Variants in CNTN5 observed in about 807,000 individuals in gnomAD.
CNTN5 encodes contactin 5.
In CNTN5, 77 loss-of-function variants were observed where a neutral mutation model predicts 129.1. The observed-to-expected ratio is 0.60, with a 90% CI of 0.50 to 0.72. The LOEUF is 0.72. Among genes scored for constraint, CNTN5 ranks in the 30% least tolerant of loss-of-function variants. CNTN5 has a pLI of 0.00. For missense variants in CNTN5, 1,478 were observed against 1,328.8 expected, an observed-to-expected ratio of 1.11 and a Z score of -1.75; for synonymous variants, 509 against 465.6, an observed-to-expected ratio of 1.09 and a Z score of -1.20.
intron 1 of CNTN5, among the ~76,000 whole-genome samples, chr11:99,158,025 C>T (rs1860418928): frequency 6.6e-6 from 1 of 152,118 alleles, no homozygotes; most frequent in Admixed American, 6.6e-5. Context: ...AATCATCTCA[C>T]ACTCCTTGAT....
chr11:99,125,002 G>C (rs1433993587), intron 1 of CNTN5, among the ~76,000 whole-genome samples: 2 of 151,854 alleles, frequency 1.3e-5, no homozygotes, highest in African/African-American at 4.8e-5. Flanking sequence ...GCCAGCACTA[G>C]AGGAATTCAC....
chr11:99,353,277 C>T (rs1435292172), intron 2 of CNTN5, among the ~76,000 whole-genome samples: 1 of 152,160 alleles, frequency 6.6e-6, no homozygotes, highest in East Asian at 1.9e-4. Flanking sequence ...ATTGGTTTCT[C>T]ATTCAAACTG....
intron 3 of CNTN5, among the ~76,000 whole-genome samples, chr11:99,600,323 TAGA>T (rs1174013946): frequency 6.6e-6 from 1 of 152,208 alleles, no homozygotes; most frequent in Non-Finnish European, 1.5e-5. Flanking sequence ...AAGACCAGCG[TAGA>T]AGGTTCATGT....
In CNTN5 at chr11:99,378,228, C is replaced by T. The variant is rs569908913; in HGVS notation, c.-71+52744C>T. 1.2e-4 allele frequency among the ~76,000 whole-genome samples: 18 copies of T among 152,188 alleles called. No homozygotes were observed. In the South Asian group the frequency reaches 3.5e-3, roughly 30 times the overall value. Reference sequence around the variant, plus strand: ...TTTTGTCCCACTCTAGGCTCTGTTTCCAGCTGAACTTCCTTGTTAACTCAT... The same window carrying T: ...TTTTGTCCCACTCTAGGCTCTGTTTTCAGCTGAACTTCCTTGTTAACTCAT... On this transcript the variant is annotated intron_variant, in intron 2 of 24. Coordinates refer to ENST00000524871, the MANE Select transcript of CNTN5 (RefSeq NM_014361.4).
At chr11:99,790,087 G>C (rs1019856474) in intron 3 of CNTN5, among the ~76,000 whole-genome samples, 4 of 151,234 alleles carry the variant, frequency 2.6e-5, no homozygotes. Flanking sequence ...CTGGATCTGT[G>C]TTTCTGCAAA....
At chr11:99,594,064 A>C (rs1565331227) in intron 3 of CNTN5, among the ~76,000 whole-genome samples, 1 of 152,168 alleles carries the variant, frequency 6.6e-6, no homozygotes, top group African/African-American at 2.4e-5. Context: ...GATTACAATT[A>C]CTATATAGGC....
At chr11:99,936,638 A>G (rs1950321771) in intron 7 of CNTN5, among the ~76,000 whole-genome samples, 1 of 152,186 alleles carries the variant, frequency 6.6e-6, no homozygotes, top group South Asian at 2.1e-4. Flanking sequence ...TTGACATCCC[A>G]GAGAGGATCA....
rs1039236297 is a variant in CNTN5, at chr11:99,122,159, C to A, written c.-210+100889C>A. Among the ~76,000 whole-genome samples, 41 of 151,832 alleles carry A rather than the reference C, an allele frequency of 2.7e-4. 1 individual carries two copies. Among genetic ancestry groups the A allele is most frequent in the African/African-American group, 9.7e-4 (40 of 41,358 alleles). On this transcript the variant is annotated intron_variant, in intron 1 of 24. Coordinates refer to ENST00000524871, the MANE Select transcript of CNTN5 (RefSeq NM_014361.4). ...TCCCCCCAACTCCACTTTTTATGTT[C>A]TTTTTTCTTCTTGCTATAGATCTAA...
intron 6 of CNTN5, among the ~76,000 whole-genome samples, chr11:99,860,791 GT>G (rs1185031715): frequency 6.6e-6 from 1 of 151,710 alleles, no homozygotes; most frequent in East Asian, 1.9e-4. Context: ...TGTTTTTCTT[GT>G]TGTTGTTACA....
At chr11:99,376,913 C>T (rs1467289790) in intron 2 of CNTN5, among the ~76,000 whole-genome samples, 3 of 152,040 alleles carry the variant, frequency 2.0e-5, no homozygotes, top group Non-Finnish European at 2.9e-5. Context: ...GAACAGAATT[C>T]GATTTATTAA....
intron 3 of CNTN5, among the ~76,000 whole-genome samples, chr11:99,803,988 CTA>C (rs1946192316): frequency 6.6e-6 from 1 of 152,130 alleles, no homozygotes; most frequent in South Asian, 2.1e-4. Context: ...AGATGAAAAA[CTA>C]TGAGTAAACT....
intron 18 of CNTN5, among the ~76,000 whole-genome samples, chr11:100,287,875 G>C (rs1950834890): frequency 6.6e-6 from 1 of 152,084 alleles, no homozygotes; most frequent in Admixed American, 6.5e-5. Flanking sequence ...CTCACGTGCA[G>C]AAACACACAC....
chr11:100,197,093 G>A (rs887788380), intron 15 of CNTN5, among the ~76,000 whole-genome samples: 10 of 151,958 alleles, frequency 6.6e-5, no homozygotes, highest in Admixed American at 1.3e-4. Flanking sequence ...CCATTCAAAT[G>A]GAAGGATTTC....
intron 3 of CNTN5, among the ~76,000 whole-genome samples, chr11:99,569,555 G>T (rs1005255093): frequency 2.0e-5 from 3 of 152,014 alleles, no homozygotes; most frequent in Admixed American, 6.5e-5. Flanking sequence ...CTTGTGGTCC[G>T]CCTGCCTCGG....
At chr11:99,785,688 G>C (rs1381830192) in intron 3 of CNTN5, among the ~76,000 whole-genome samples, 2 of 152,046 alleles carry the variant, frequency 1.3e-5, no homozygotes, top group East Asian at 1.9e-4. Context: ...TTACAAGACT[G>C]GTTCAACATA....
intron 1 of CNTN5, among the ~76,000 whole-genome samples, chr11:99,057,492 A>G (rs993319171): frequency 2.6e-5 from 4 of 151,814 alleles, no homozygotes; most frequent in Non-Finnish European, 5.9e-5. Flanking sequence ...TTTATCCTAC[A>G]AGTATGTCTA....
At chr11:99,439,645 T>C (rs1943740364) in intron 2 of CNTN5, among the ~76,000 whole-genome samples, 1 of 141,454 alleles carries the variant, frequency 7.1e-6, no homozygotes, top group Non-Finnish European at 1.5e-5. Context: ...AAGGCGGAGG[T>C]TGCAGTGAGC....
chr11:99,842,569 G>T (rs1415053712), intron 4 of CNTN5, among the ~76,000 whole-genome samples: 3 of 152,100 alleles, frequency 2.0e-5, no homozygotes, highest in Non-Finnish European at 4.4e-5. Flanking sequence ...TAAAGCTCAG[G>T]AGTTGTCTAT....
intron 1 of CNTN5, among the ~76,000 whole-genome samples, chr11:99,091,737 C>T (rs61891143): frequency 0.062 from 9,503 of 152,162 alleles, 817 homozygotes; most frequent in East Asian, 0.35. Context: ...GTCTCATTAG[C>T]TAAAGGCTGG....
Sources: allele counts gnomAD v4.1 joint callset (sites outside exome capture counted in the v4.1 genomes callset), GRCh38; gene constraint gnomAD v4.1.1; transcripts MANE v1.5; gene names NCBI Gene and HGNC (gene_info 2026-07-23, HGNC 2026-07-21).